Variants in APP observed in about 807,000 individuals in gnomAD.
APP encodes amyloid-beta precursor protein.
In APP, 31 loss-of-function variants were observed where a neutral mutation model predicts 101.4. The observed-to-expected ratio is 0.31, with a 90% CI of 0.23 to 0.41. The LOEUF (loss-of-function observed/expected upper bound fraction) is 0.41. Ranked by LOEUF, APP falls within the 10% of genes least tolerant of loss-of-function variation. APP has a pLI of 1.00. For synonymous variants in APP, 366 were observed against 364.4 expected, an observed-to-expected ratio of 1.00 and a Z score of -0.05; for missense variants, 839 against 1,003.7, an observed-to-expected ratio of 0.84 and a Z score of 2.22.
At chr21:25,890,862 CAATA>C (rs2037649310) in intron 17 of APP, among the ~76,000 whole-genome samples, 1 of 152,044 alleles carries the variant, frequency 6.6e-6, no homozygotes, top group Non-Finnish European at 1.5e-5. Context: ...TGGTCATCAT[CAATA>C]AATCTTTCAG....
At chr21:26,002,560 T>C (rs1298114548) in intron 6 of APP, among the ~76,000 whole-genome samples, 1 of 152,226 alleles carries the variant, frequency 6.6e-6, no homozygotes, top group African/African-American at 2.4e-5. Flanking sequence ...CCATTATTAA[T>C]CTCTTACTCA....
At chr21:25,906,379 G>GCC (rs11461939) in intron 14 of APP, among the ~76,000 whole-genome samples, 1 of 152,284 alleles carries the variant, frequency 6.6e-6, no homozygotes, top group South Asian at 2.1e-4. Context: ...CTTGGGATGC[G>GCC]CCACTTCTGT....
chr21:26,090,172 C>T, intron 2 of APP, 100 bp from the exon 3 acceptor site: 2 of 1,555,926 alleles, frequency 1.3e-6, no homozygotes, highest in Non-Finnish European at 8.7e-7. Flanking sequence ...GTGGAGTGTC[C>T]CTTATCCAAA....
chr21:26,149,204 C>G (rs541039479), intron 1 of APP, among the ~76,000 whole-genome samples: 1 of 152,314 alleles, frequency 6.6e-6, no homozygotes, highest in South Asian at 2.1e-4. Flanking sequence ...GAAACACTGG[C>G]TGAACTCTTT....
rs778758780 is a variant in APP at position 25,975,137 on chromosome 21, A to G, written c.1391T>C (p.Met464Thr). ...VETHMARVEAMLNDRRRLALE... is the reference protein window; with the variant it reads ...VETHMARVEATLNDRRRLALE... The stretch of plus-strand genomic sequence containing the variant: ...GGCCAGGCGGCGGCGGTCATTGAGC[A>G]TGGCTTCCACTCTGGCCATGTGTGT... Residue 464 changes from methionine to threonine, a missense_variant, in exon 11 of 18, where the codon ATG (methionine) becomes ACG (threonine). By Grantham distance (81) the Met-to-Thr change is moderately conservative. Coordinates refer to ENST00000346798, the MANE Select transcript of APP (RefSeq NM_000484.4). The G allele has an allele frequency of 6.2e-7, 1 of 1,613,746 alleles. No individual in the cohort carries two copies. Among genetic ancestry groups the G allele is most frequent in the African/African-American group, 1.3e-5 (1 of 74,864 alleles).
At chr21:26,145,830 T>C (rs2063143656) in intron 1 of APP, among the ~76,000 whole-genome samples, 1 of 152,188 alleles carries the variant, frequency 6.6e-6, no homozygotes, top group Non-Finnish European at 1.5e-5. Flanking sequence ...TTTTCACTTA[T>C]ATCGGTATGA....
chr21:26,095,943 A>C (rs1257967252), intron 2 of APP, among the ~76,000 whole-genome samples: 1 of 152,236 alleles, frequency 6.6e-6, no homozygotes, highest in Non-Finnish European at 1.5e-5. Flanking sequence ...CTTTTTAAAA[A>C]AGGACTCGAG....
chr21:25,994,096 T>G (rs1417530420), intron 8 of APP, among the ~76,000 whole-genome samples: 4 of 152,202 alleles, frequency 2.6e-5, no homozygotes, highest in Non-Finnish European at 5.9e-5. Flanking sequence ...TTGGTCTGTT[T>G]GCCTTTTGGG....
chr21:26,004,022 T>A (rs1325406468), intron 6 of APP, among the ~76,000 whole-genome samples: 6 of 152,196 alleles, frequency 3.9e-5, no homozygotes, highest in Admixed American at 2.0e-4. Context: ...TTCCATGTAG[T>A]AGAAAAGAGA....
chr21:25,902,846 C>T (rs2038578566), intron 15 of APP, among the ~76,000 whole-genome samples: 1 of 152,104 alleles, frequency 6.6e-6, no homozygotes, highest in South Asian at 2.1e-4. Flanking sequence ...GAGCAGGGAC[C>T]CTACCGTTTA....
chr21:26,163,614 T>C (rs2063545702), intron 1 of APP, among the ~76,000 whole-genome samples: 1 of 152,232 alleles, frequency 6.6e-6, no homozygotes, highest in Non-Finnish European at 1.5e-5. Flanking sequence ...ATGGCTTCTG[T>C]CATTACACAT....
chr21:26,010,633 A>G lies in APP; in HGVS notation c.866-10451T>C, dbSNP rs1256414734. ...AAGATCAGCCTGGCTAACATGGTGAAACCCTGTCTCTACTAAAACTACAAA... is the reference window on the plus strand; with the variant it reads ...AAGATCAGCCTGGCTAACATGGTGAGACCCTGTCTCTACTAAAACTACAAA... On this transcript the variant is annotated intron_variant, in intron 6 of 17. Transcript: ENST00000346798. Among the ~76,000 whole-genome samples the G allele has an allele frequency of 2.0e-5, 3 of 151,708 alleles. No homozygotes were observed. The East Asian group carries it at 5.8e-4, about 29-fold the overall frequency.
chr21:26,161,971 C>A (rs995199648), intron 1 of APP, among the ~76,000 whole-genome samples: 2 of 151,990 alleles, frequency 1.3e-5, no homozygotes, highest in Non-Finnish European at 2.9e-5. Flanking sequence ...AGTGCTTATC[C>A]ATCTTTATTC....
intron 2 of APP, among the ~76,000 whole-genome samples, chr21:26,096,241 A>G (rs997226591): frequency 3.9e-5 from 6 of 152,276 alleles, no homozygotes; most frequent in African/African-American, 1.4e-4. Context: ...TGTGCCTCAC[A>G]TCGCTATTAA....
chr21:25,946,967 A>C (rs1342745091), intron 13 of APP, among the ~76,000 whole-genome samples: 1 of 152,228 alleles, frequency 6.6e-6, no homozygotes, highest in Non-Finnish European at 1.5e-5. Flanking sequence ...TTTTTAAAAA[A>C]GGAAACTTTT....
chr21:26,021,105 T>TG (rs1042918365), intron 6 of APP, among the ~76,000 whole-genome samples: 1 of 145,050 alleles, frequency 6.9e-6, no homozygotes, highest in Admixed American at 7.4e-5. Context: ...TGGAGTGCAA[T>TG]GGTGTGATCT....
rs151051565 is a variant in APP, at chr21:26,146,828, C to T, written c.57+23736G>A. The stretch of plus-strand genomic sequence containing the variant: ...CACTTCATGGAATAAAAAAGTTTGC[C>T]TTTTGTTGCTGACAAACTGTACTGG... On this transcript the variant is annotated intron_variant, in intron 1 of 17. Coordinates refer to ENST00000346798, the MANE Select transcript of APP (RefSeq NM_000484.4). Among the ~76,000 whole-genome samples, 59 of 152,204 alleles carry T rather than the reference C, an allele frequency of 3.9e-4. No homozygotes were observed. In the East Asian group the frequency reaches 0.011, roughly 28 times the overall value.
chr21:26,117,011 G>A (rs140115849), intron 1 of APP, among the ~76,000 whole-genome samples: 36 of 152,224 alleles, frequency 2.4e-4, no homozygotes, highest in African/African-American at 8.2e-4. Flanking sequence ...AGCCTCCCAA[G>A]TAGCTGGGAC....
At chr21:26,002,167 C>T (rs1240685779) in intron 6 of APP, among the ~76,000 whole-genome samples, 3 of 152,120 alleles carry the variant, frequency 2.0e-5, no homozygotes, top group African/African-American at 7.2e-5. Context: ...ATCTGAAAAC[C>T]ACGTGAAGAG....
Sources: allele counts gnomAD v4.1 joint callset (sites outside exome capture counted in the v4.1 genomes callset), GRCh38; gene constraint gnomAD v4.1.1; transcripts MANE v1.5; gene names NCBI Gene and HGNC (gene_info 2026-07-23, HGNC 2026-07-21).